ANKRD42: variants seen among roughly 807,000 people sequenced by gnomAD.
The protein encoded by ANKRD42 is ankyrin repeat domain 42, also known as ankyrin repeat domain-containing protein 42.
ANKRD42 carries 43 observed loss-of-function variants against 51.5 expected under a neutral mutation model. The ratio of observed to expected loss-of-function variants is 0.83; its 90% CI spans 0.65 to 1.08. The LOEUF (loss-of-function observed/expected upper bound fraction) is 1.08. Ranked by LOEUF, ANKRD42 falls within the 50% of genes least tolerant of loss-of-function variation. ANKRD42 has a pLI of 0.00. For missense variants in ANKRD42, 608 were observed against 629.3 expected (o/e 0.97, Z 0.36); for synonymous variants, 203 against 213.0 (o/e 0.95, Z 0.41).
In ANKRD42 at chr11:83,210,264, A is replaced by G. The variant is rs187641590; in HGVS notation, c.331-36A>G. The stretch of plus-strand genomic sequence containing the variant: ...TCTGCATTTATGGTTTAACATCTAT[A>G]CTCATGTAAAGTCTTTCCTATTTCT... On this transcript the variant is annotated intron_variant, in intron 3 of 10. Transcript: ENST00000533342. 2.6e-5 allele frequency: 42 copies of G among 1,597,390 alleles called. 2 individuals carry two copies. The Middle Eastern group carries it at 9.9e-4, about 38-fold the overall frequency.
At chr11:83,243,349 C>T (rs1412156798) in intron 9 of ANKRD42, among the ~76,000 whole-genome samples, 1 of 152,160 alleles carries the variant, frequency 6.6e-6, no homozygotes, top group Non-Finnish European at 1.5e-5. Context: ...ATCACAGACA[C>T]TGCATAAATA....
At chr11:83,195,367 C>G (rs1374087520) in intron 1 of ANKRD42, among the ~76,000 whole-genome samples, 2 of 152,134 alleles carry the variant, frequency 1.3e-5, no homozygotes, top group Non-Finnish European at 2.9e-5. Flanking sequence ...CAAGTGAGAT[C>G]AGTGTTATAA....
intron 7 of ANKRD42, among the ~76,000 whole-genome samples, chr11:83,228,938 T>A (rs1177887907): frequency 1.3e-5 from 1 of 78,496 alleles, no homozygotes; most frequent in Non-Finnish European, 2.9e-5. Context: ...CCTAAAGTTT[T>A]TTTTGTTTTT....
rs576304463 is a variant in ANKRD42, at chr11:83,202,893, G to C, written c.223-3165G>C. Among the ~76,000 whole-genome samples the C allele has an allele frequency of 2.0e-5, 3 of 150,886 alleles. No individual in the cohort carries two copies. The South Asian group carries it at 6.3e-4, about 32-fold the overall frequency. On this transcript the variant is annotated intron_variant, in intron 2 of 10. Transcript: ENST00000533342. ...GTCACATCATAAGTTCACAAGAAAT[G>C]TTTCTCATGTTGCTGAATTTGTTGA... is the stretch of plus-strand genomic sequence containing the variant.
Position 83,225,075 on chromosome 11 carries a change from GTT to G in ANKRD42, c.787+21_787+22del. Reference sequence around the variant, plus strand: ...AGGAAAGTAAGTAATTAAGTTATATGTTCTAGCATATAATGTGATGATGATGA... The same window carrying G: ...AGGAAAGTAAGTAATTAAGTTATATGCTAGCATATAATGTGATGATGATGA... On this transcript the variant is annotated intron_variant, in intron 6 of 10. Transcript: ENST00000533342. The G allele has an allele frequency of 6.3e-7, 1 of 1,587,350 alleles. No individual in the cohort carries two copies. The highest frequency in any genetic ancestry group is 8.6e-7 in the Non-Finnish European group (1 of 1,159,302).
At position 83,248,435 on chromosome 11, in the gene ANKRD42, A is replaced by G. The variant is rs1467438366; in HGVS notation, c.*231A>G. 2 of 1,198,230 alleles carry G rather than the reference A, an allele frequency of 1.7e-6. No individual in the cohort carries two copies. The highest frequency in any genetic ancestry group is 2.1e-6 in the Non-Finnish European group (2 of 968,074). The allele number at this position is 1,198,230 out of a possible 1,614,324, so 74.2% of individuals were successfully genotyped here. A position where few individuals can be genotyped will look rare whatever the true frequency, so the allele number is the denominator to read the frequency against. On this transcript the variant is annotated 3_prime_UTR_variant, in exon 11 of 11. Transcript: ENST00000533342. The stretch of plus-strand genomic sequence containing the variant: ...TAAGTATTATTGTTAACATTGTACC[A>G]TAGAAGGAGAAAATGTTTTCATAAG...
intron 9 of ANKRD42, among the ~76,000 whole-genome samples, chr11:83,242,585 T>TTTTTTTTTTG (rs1863425813): frequency 6.9e-6 from 1 of 143,892 alleles, no homozygotes; most frequent in African/African-American, 2.6e-5. Context: ...TTTTTTTTTT[T>TTTTTTTTTTG]AGATGGAGTC....
At chr11:83,216,245 C>T (rs1002995634) in intron 5 of ANKRD42, among the ~76,000 whole-genome samples, 6 of 152,136 alleles carry the variant, frequency 3.9e-5, no homozygotes, top group Non-Finnish European at 7.4e-5. Context: ...TTTTTAATTT[C>T]ACCAGTGATT....
chr11:83,221,990 A>G (rs2135523085), intron 5 of ANKRD42, among the ~76,000 whole-genome samples: 1 of 152,236 alleles, frequency 6.6e-6, no homozygotes, highest in African/African-American at 2.4e-5. Flanking sequence ...GTTTACTTTG[A>G]TTTCACTTTT....
chr11:83,248,006 T>A lies in ANKRD42; in HGVS notation c.1386T>A (p.Cys462Ter), dbSNP rs759787414. Residue 462 changes from cysteine (C) to a stop codon, truncating the protein, a stop_gained, in exon 11 of 11, where the codon TGT becomes TGA. Coordinates refer to ENST00000533342, the MANE Select transcript of ANKRD42 (RefSeq NM_001300975.2). LOFTEE classifies it low-confidence loss of function (END_TRUNC). ...GACTACGTAGAGAAAAATTAGAATG[T>A]CAGCTTGATGAATATCGAGCAGAAG... ...YERLRREKLECQLDEYRAEVD... is the reference protein window; with the variant it reads ...YERLRREKLE The A allele has an allele frequency of 6.2e-7, 1 of 1,613,296 alleles. No individual in the cohort carries two copies.
chr11:83,253,876 A>C (rs1863716502), downstream of ANKRD42, among the ~76,000 whole-genome samples: 1 of 152,232 alleles, frequency 6.6e-6, no homozygotes, highest in African/African-American at 2.4e-5. Flanking sequence ...GTTTGATAGA[A>C]CAAGTTACAT....
At chr11:83,217,796 T>C (rs7940149) in intron 5 of ANKRD42, among the ~76,000 whole-genome samples, 10,358 of 152,306 alleles carry the variant, frequency 0.068, 1,093 homozygotes, top group African/African-American at 0.22. Flanking sequence ...CCTTGCAAAC[T>C]GCACTGATAA....
At chr11:83,236,319 G>T in intron 7 of ANKRD42, 85 bp from the exon 8 acceptor site, 1 of 1,009,962 alleles carries the variant, frequency 9.9e-7, no homozygotes, top group East Asian at 2.6e-5. Context: ...ACTCTATAAT[G>T]GTACTGTCCA....
intron 1 of ANKRD42, among the ~76,000 whole-genome samples, chr11:83,197,309 T>C (rs1389641177): frequency 6.6e-6 from 1 of 152,184 alleles, no homozygotes; most frequent in Non-Finnish European, 1.5e-5. Flanking sequence ...GGAAAAAAAA[T>C]GTATTAAATC....
In ANKRD42 at chr11:83,248,831, A is replaced by G; in HGVS notation, c.*627A>G. On this transcript the variant is annotated 3_prime_UTR_variant, in exon 11 of 11. Transcript: ENST00000533342. ...TTGTTAACAATTTAGTACATACCAT[A>G]TTAGACAAAATTCTATTTATCTGCA... 1 of 980,110 alleles carries G rather than the reference A, an allele frequency of 1.0e-6. No homozygotes were observed. The highest frequency in any genetic ancestry group is 1.2e-6 in the Non-Finnish European group (1 of 825,032). The allele number at this position is 980,110 out of a possible 1,614,324, so 60.7% of individuals were successfully genotyped here. A position where few individuals can be genotyped will look rare whatever the true frequency, so the allele number is the denominator to read the frequency against.
chr11:83,209,461 TGTC>T (rs1177157382), intron 3 of ANKRD42: 9 of 1,464,536 alleles, frequency 6.1e-6, no homozygotes, highest in Admixed American at 3.4e-5. Context: ...AGTATCGACA[TGTC>T]GTGCTGCCCA....
intron 10 of ANKRD42, among the ~76,000 whole-genome samples, 195 bp from the exon 11 acceptor site, chr11:83,247,748 G>C (rs1251370405): frequency 1.3e-5 from 2 of 151,996 alleles, no homozygotes; most frequent in African/African-American, 4.8e-5. Flanking sequence ...GCAGATTTTG[G>C]GCCTTTTGTT....
At chr11:83,240,590 A>G (rs532962871) in intron 8 of ANKRD42, among the ~76,000 whole-genome samples, 169 bp from the exon 9 acceptor site, 2 of 152,228 alleles carry the variant, frequency 1.3e-5, no homozygotes, top group East Asian at 1.9e-4. Context: ...AGTTTCTTAC[A>G]TAGTTGAATA....
rs182706016 is a variant in ANKRD42, at chr11:83,206,065, A to T, written c.230A>T (p.His77Leu). 55 of 1,612,990 alleles carry T rather than the reference A, an allele frequency of 3.4e-5. No homozygotes were observed. In the East Asian group the frequency reaches 6.9e-4, roughly 20 times the overall value. The change falls in exon 3 of 11, where the codon CAT (histidine) becomes CTT (leucine). Residue 77 changes from histidine (H) to leucine (L), a missense_variant. Physicochemically the swap from His to Leu is moderately conservative, Grantham distance 99. Transcript: ENST00000533342. Reference sequence around the variant, plus strand: ...ACATGGTTATTTTCTTAGTGTCTTCATTGGCTGCTCTGGCATGGAGCTGAT... The same window carrying T: ...ACATGGTTATTTTCTTAGTGTCTTCTTTGGCTGCTCTGGCATGGAGCTGAT... ...AAHSGSLECL[H>L]WLLWHGADIT...
Sources: allele counts gnomAD v4.1 joint callset (sites outside exome capture counted in the v4.1 genomes callset), GRCh38; gene constraint gnomAD v4.1.1; transcripts MANE v1.5; gene names NCBI Gene and HGNC (gene_info 2026-07-23, HGNC 2026-07-21).